The following SOCS2 variants were observed in gnomAD, a reference collection of about 807,000 sequenced individuals.
The protein encoded by SOCS2 is suppressor of cytokine signaling 2.
Under a neutral mutation model 18.6 loss-of-function variants are expected in SOCS2, and 10 were observed. That is an observed-to-expected ratio of 0.54 (90% CI 0.33 to 0.91). The LOEUF is 0.91. Among genes scored for constraint, SOCS2 ranks in the 40% least tolerant of loss-of-function variants. The pLI is 0.02. For synonymous variants in SOCS2, 104 were observed against 104.0 expected (o/e 1.00, Z 0.00); for missense variants, 231 against 247.2 (o/e 0.93, Z 0.44).
chr12:93,621,565 C>A, the SOCS2 span, among the ~76,000 whole-genome samples: 2 of 152,154 alleles, frequency 1.3e-5, no homozygotes, highest in Non-Finnish European at 2.9e-5. Flanking sequence ...CAGCCTCGAA[C>A]GGTCAGGCTT....
chr12:93,571,631 G>C (rs1954255399), upstream of SOCS2: 1 of 223,188 alleles, frequency 4.5e-6, no homozygotes, highest in Admixed American at 6.3e-5. Flanking sequence ...CCAGCCCGTA[G>C]GGGGCGTCGC....
chr12:93,575,262 T>G lies in SOCS2; in HGVS notation c.*83T>G. 1.1e-6 allele frequency: 1 copy of G among 920,400 alleles called. No individual in the cohort carries two copies. The allele number at this position is 920,400 out of a possible 1,614,324, so 57.0% of individuals were successfully genotyped here. ...AAAGAGAACCAAAACTTGAGTGCTC[T>G]GGATAACTATATGGAATGCTTTCTA... On this transcript the variant is annotated 3_prime_UTR_variant, in exon 2 of 2. Transcript: ENST00000551556.
chr12:93,577,567 CT>C, downstream of SOCS2, among the ~76,000 whole-genome samples: 1 of 149,342 alleles, frequency 6.7e-6, no homozygotes, highest in African/African-American at 2.5e-5. Flanking sequence ...GAGCAAATTG[CT>C]GCTGAAAATT....
chr12:93,572,844 T>C lies in SOCS2; in HGVS notation c.-54T>C. ...GACTTCAAGGAAGGACGCGAACCCT[T>C]CTCTGACCCCAGCTCGGGCGGCCAC... On this transcript the variant is annotated 5_prime_UTR_variant, in exon 1 of 2. Transcript: ENST00000551556. The surrounding 1 kb of genome is among the most constrained non-coding windows in gnomAD (Gnocchi z 5.0). 1 of 1,554,270 alleles carries C rather than the reference T, an allele frequency of 6.4e-7. No homozygotes were observed. The highest frequency in any genetic ancestry group is 1.4e-5 in the African/African-American group (1 of 73,284).
chr12:93,611,906 G>A, the SOCS2 span, among the ~76,000 whole-genome samples: 12,740 of 151,462 alleles, frequency 0.084, 847 homozygotes, highest in East Asian at 0.26. Flanking sequence ...CCGTTGGTTT[G>A]CTTCTCTGTT....
At chr12:93,613,574 G>T in the SOCS2 span, among the ~76,000 whole-genome samples, 2 of 152,146 alleles carry the variant, frequency 1.3e-5, no homozygotes, top group African/African-American at 2.4e-5. Context: ...ACAGAGACGG[G>T]CTACTGAGAA....
chr12:93,582,180 G>A lies in SOCS2; in HGVS notation c.117-843G>A, dbSNP rs140195205. Among the ~76,000 whole-genome samples the A allele has an allele frequency of 3.1e-3, 476 of 152,320 alleles. 8 individuals are homozygous for A. Among genetic ancestry groups the A allele is most frequent in the Admixed American group, 0.025 (382 of 15,294 alleles). On this transcript the variant is annotated intron_variant, in intron 1 of 1. Transcript: ENST00000549510. The stretch of plus-strand genomic sequence containing the variant: ...GTGTCTGAGTGTTAATAGACTGGAA[G>A]GAGTCCTCAGACCTGCTGAGTGGGG...
chr12:93,578,675 C>T (rs1226852806), downstream of SOCS2, among the ~76,000 whole-genome samples: 1 of 136,024 alleles, frequency 7.4e-6, no homozygotes, highest in African/African-American at 2.8e-5. Context: ...GGGAGATTTG[C>T]ATGCTCGCAC....
chr12:93,615,628 A>G, the SOCS2 span, among the ~76,000 whole-genome samples: 3 of 152,184 alleles, frequency 2.0e-5, no homozygotes, highest in Non-Finnish European at 4.4e-5. Context: ...CAGAGTCTCG[A>G]TCTGTCACCC....
At chr12:93,588,967 A>G in the SOCS2 span, among the ~76,000 whole-genome samples, 2 of 152,202 alleles carry the variant, frequency 1.3e-5, no homozygotes, top group Non-Finnish European at 2.9e-5. Context: ...AAGCAGGGGT[A>G]GGGGTACGCA....
the SOCS2 span, among the ~76,000 whole-genome samples, chr12:93,607,241 G>A: frequency 6.6e-6 from 1 of 152,110 alleles, no homozygotes; most frequent in Non-Finnish European, 1.5e-5. Context: ...AGATTTTCTA[G>A]GAATGGTTTT....
In SOCS2 at chr12:93,572,789, C is replaced by G; in HGVS notation, c.-109C>G. ...CTCTCTCTGCCACCATTTCGGACACCCCGCAGGGACTCGTTTTGGGATTCG... is the reference window on the plus strand; with the variant it reads ...CTCTCTCTGCCACCATTTCGGACACGCCGCAGGGACTCGTTTTGGGATTCG... On this transcript the variant is annotated 5_prime_UTR_variant, in exon 1 of 2. Coordinates refer to ENST00000551556, the MANE Select transcript of SOCS2 (RefSeq NM_001270471.2). This position sits in a 1 kb window ranked among gnomAD's most constrained non-coding sequence, Gnocchi z 5.0. 3 of 1,414,432 alleles carry G rather than the reference C, an allele frequency of 2.1e-6. No individual in the cohort carries two copies. Among genetic ancestry groups the G allele is most frequent in the Admixed American group, 2.0e-5 (1 of 50,862 alleles). 87.6% of individuals were successfully genotyped at this position (1,414,432 alleles called of 1,614,324 possible).
chr12:93,571,645 G>A (rs1409516124), upstream of SOCS2: 3 of 218,404 alleles, frequency 1.4e-5, no homozygotes, highest in African/African-American at 2.4e-5. Flanking sequence ...GCGTCGCCGC[G>A]CGGTGGGGGA....
At chr12:93,603,415 C>T in the SOCS2 span, among the ~76,000 whole-genome samples, 1 of 152,154 alleles carries the variant, frequency 6.6e-6, no homozygotes, top group South Asian at 2.1e-4. Context: ...CCTTCAGAAG[C>T]AGAACCAAGC....
In SOCS2 at chr12:93,572,978, GGAGCCA is replaced by G; in HGVS notation, c.82_87del (p.Glu28_Pro29del). The stretch of plus-strand genomic sequence containing the variant: ...AGTGGGGGACCGCGGGGTCGGCGGA[GGAGCCA>G]TCCCCGCAGGCGGCGCGTCTGGCGA... On this transcript the variant is annotated inframe_deletion, in exon 1 of 2. Transcript: ENST00000551556. This position sits in a 1 kb window ranked among gnomAD's most constrained non-coding sequence, Gnocchi z 5.0. 1 of 1,569,780 alleles carries G rather than the reference GGAGCCA, an allele frequency of 6.4e-7. No individual in the cohort carries two copies. Among genetic ancestry groups the G allele is most frequent in the Non-Finnish European group, 8.6e-7 (1 of 1,158,256 alleles).
the SOCS2 span, among the ~76,000 whole-genome samples, chr12:93,600,709 C>T: frequency 3.0e-4 from 45 of 148,658 alleles, no homozygotes; most frequent in African/African-American, 5.7e-4. Context: ...TTATAAGTTA[C>T]GTAAAGTTTT....
At chr12:93,591,402 G>A in the SOCS2 span, among the ~76,000 whole-genome samples, 2 of 152,174 alleles carry the variant, frequency 1.3e-5, no homozygotes, top group African/African-American at 4.8e-5. Flanking sequence ...AGATGGGAGC[G>A]AGGAGAAAGC....
the SOCS2 span, among the ~76,000 whole-genome samples, chr12:93,625,935 A>C: frequency 3.3e-5 from 5 of 152,030 alleles, no homozygotes; most frequent in Non-Finnish European, 7.4e-5. Flanking sequence ...GTGATACTCT[A>C]TCTTGTTATT....
At chr12:93,595,461 G>A in the SOCS2 span, among the ~76,000 whole-genome samples, 1 of 152,090 alleles carries the variant, frequency 6.6e-6, no homozygotes. Flanking sequence ...CAACTTTAAT[G>A]TACCTTTTGA....
Sources: gnomAD v4.1 joint callset for allele counts (sites outside exome capture counted in the v4.1 genomes callset) on GRCh38, gnomAD v4.1.1 for gene constraint, Gnocchi (gnomAD v3.1) non-coding constraint, MANE v1.5 for transcripts, NCBI Gene and HGNC (gene_info 2026-07-23, HGNC 2026-07-21) for gene names.